KIF1A: variants seen among roughly 807,000 people sequenced by gnomAD.
KIF1A encodes kinesin-like protein KIF1A.
In KIF1A, 46 loss-of-function variants were observed where a neutral mutation model predicts 227.3. The ratio of observed to expected loss-of-function variants is 0.20; its 90% CI spans 0.16 to 0.26. The LOEUF (loss-of-function observed/expected upper bound fraction) is 0.26. Ranked by LOEUF, KIF1A falls within the 10% of genes least tolerant of loss-of-function variation. KIF1A has a pLI of 1.00. For missense variants in KIF1A, 1,683 were observed against 2,485.9 expected (o/e 0.68, Z 6.87); for synonymous variants, 1,022 against 1,012.8 (o/e 1.01, Z -0.17).
At chr2:240,769,484 C>G in intron 16 of KIF1A, 143 bp downstream of exon 16, 1 of 690,864 alleles carries the variant, frequency 1.4e-6, no homozygotes, top group South Asian at 1.9e-5. Flanking sequence ...GATGAGGGAA[C>G]AGGTTTGCCC....
chr2:240,797,085 C>T (rs1052686616), intron 2 of KIF1A, among the ~76,000 whole-genome samples: 1 of 152,202 alleles, frequency 6.6e-6, no homozygotes, highest in East Asian at 1.9e-4. Context: ...CACCAGAGGC[C>T]CCAGCACAAA....
In KIF1A at chr2:240,760,783, G is replaced by A; in HGVS notation, c.2326C>T (p.Leu776=). 6.2e-7 allele frequency: 1 copy of A among 1,604,852 alleles called. No individual in the cohort carries two copies. The highest frequency in any genetic ancestry group is 8.5e-7 in the Non-Finnish European group (1 of 1,176,308). ...TLYSPLPPDL[L]PPEAAKDRET... ...CGGTCTTTGGCGGCCTCTGGGGGCAGCAGGTCGGGTGGCAGAGGGGAGTAG... is the reference window on the plus strand; with the variant it reads ...CGGTCTTTGGCGGCCTCTGGGGGCAACAGGTCGGGTGGCAGAGGGGAGTAG... Residue 776 remains leucine (L), a synonymous_variant, in exon 25 of 49, where the codon CTG becomes TTG. Transcript: ENST00000498729.
chr2:240,773,093 C>T, intron 13 of KIF1A, 21 bp downstream of exon 13: 1 of 1,598,898 alleles, frequency 6.3e-7, no homozygotes, highest in East Asian at 2.3e-5. Flanking sequence ...CTGTCCAGGA[C>T]AGGCTGGAGC....
In KIF1A at chr2:240,793,465, C is replaced by T. The variant is rs962729296; in HGVS notation, c.107-4153G>A. 1.9e-4 allele frequency among the ~76,000 whole-genome samples: 29 copies of T among 152,192 alleles called. No individual in the cohort carries two copies. Among genetic ancestry groups the T allele is most frequent in the Admixed American group, 6.5e-4 (10 of 15,288 alleles). ...GGGGCCGCACATGGCTGAGGGTCCG[C>T]GTCCCCAGCCAGCCTCCAGCATCTG... is the stretch of plus-strand genomic sequence containing the variant. On this transcript the variant is annotated intron_variant, in intron 2 of 48. Coordinates refer to ENST00000498729, the MANE Select transcript of KIF1A (RefSeq NM_001244008.2). The surrounding 1 kb of genome is among the most constrained non-coding windows in gnomAD (Gnocchi z 4.8).
At chr2:240,809,577 T>G (rs1286644680) in intron 1 of KIF1A, among the ~76,000 whole-genome samples, 5 of 152,146 alleles carry the variant, frequency 3.3e-5, no homozygotes, top group East Asian at 1.9e-4. Flanking sequence ...TCAAATAAAT[T>G]CCATGTGGAT....
At chr2:240,733,714 G>A (rs1278380695) in intron 38 of KIF1A, among the ~76,000 whole-genome samples, 5 of 152,196 alleles carry the variant, frequency 3.3e-5, no homozygotes, top group Admixed American at 3.3e-4. Flanking sequence ...ACTGCCCTGG[G>A]GCTCTGTGCC....
chr2:240,738,174 G>A (rs564760572), intron 37 of KIF1A, among the ~76,000 whole-genome samples: 48 of 152,352 alleles, frequency 3.2e-4, no homozygotes, highest in African/African-American at 1.0e-3. Context: ...TCAGCCCTCG[G>A]GGCCTGCACT....
chr2:240,721,042 C>A lies in KIF1A; in HGVS notation c.4744-4G>T. Reference sequence around the variant, plus strand: ...GGGTGACAGACATCTCGGAGAGCTGCGGAGGAGAGGCCTTTTTCAGGGGAC... The same window carrying A: ...GGGTGACAGACATCTCGGAGAGCTGAGGAGGAGAGGCCTTTTTCAGGGGAC... On this transcript the variant is annotated splice_region_variant and splice_polypyrimidine_tract_variant and intron_variant, in intron 44 of 48. Transcript: ENST00000498729. 6.2e-7 allele frequency: 1 copy of A among 1,611,710 alleles called. No homozygotes were observed. The highest frequency in any genetic ancestry group is 8.5e-7 in the Non-Finnish European group (1 of 1,179,422).
intron 1 of KIF1A, among the ~76,000 whole-genome samples, chr2:240,812,943 C>CGCCTTCACCTCGGGGATCT (rs1559550003): frequency 1.4e-4 from 6 of 42,126 alleles, no homozygotes; most frequent in South Asian, 8.6e-4. Flanking sequence ...CTCGGGGATC[C>CGCCTTCACCTCGGGGATCT]GCCTTCACCT....
At position 240,778,643 on chromosome 2, in the gene KIF1A, C is replaced by T. The variant is rs1466268679; in HGVS notation, c.883-2717G>A. Among the ~76,000 whole-genome samples the T allele has an allele frequency of 6.6e-6, 1 of 151,616 alleles. No homozygotes were observed. The highest frequency in any genetic ancestry group is 1.5e-5 in the Non-Finnish European group (1 of 67,914). ...CCACACAGCTCCCCACCCCCTTCCACACACTTCCTCCCGGTTCCCACAGCT... is the reference window on the plus strand; with the variant it reads ...CCACACAGCTCCCCACCCCCTTCCATACACTTCCTCCCGGTTCCCACAGCT... On this transcript the variant is annotated intron_variant, in intron 10 of 48. Coordinates refer to ENST00000498729, the MANE Select transcript of KIF1A (RefSeq NM_001244008.2). This position sits in a 1 kb window ranked among gnomAD's most constrained non-coding sequence, Gnocchi z 7.2.
At chr2:240,717,516 G>A in intron 48 of KIF1A, 110 bp from the exon 49 acceptor site, 1 of 934,098 alleles carries the variant, frequency 1.1e-6, no homozygotes, top group Non-Finnish European at 1.7e-6. Context: ...CAGACCCCAT[G>A]TCCCCGCTGG....
chr2:240,736,394 G>T lies in KIF1A; in HGVS notation c.4007+669C>A, dbSNP rs1336019030. ...GTCTGGGACGCAGTGGAGCCCGCGG[G>T]ACGTCCCCACCCACCAGGGCTGCCC... On this transcript the variant is annotated intron_variant, in intron 38 of 48. Transcript: ENST00000498729. This position sits in a 1 kb window ranked among gnomAD's most constrained non-coding sequence, Gnocchi z 4.7. Among the ~76,000 whole-genome samples, 1 of 151,832 alleles carries T rather than the reference G, an allele frequency of 6.6e-6. No homozygotes were observed. Among genetic ancestry groups the T allele is most frequent in the East Asian group, 2.0e-4 (1 of 5,098 alleles).
chr2:240,763,457 T>TC, intron 20 of KIF1A, 111 bp from the exon 21 acceptor site: 11 of 999,092 alleles, frequency 1.1e-5, no homozygotes, highest in Non-Finnish European at 1.4e-5. Context: ...CACCCCACCA[T>TC]CCCCAGCTCC....
At position 240,745,868 on chromosome 2, in the gene KIF1A, C is replaced by T. The variant is rs1045260940; in HGVS notation, c.3244G>A (p.Ala1082Thr). 6.8e-6 allele frequency: 11 copies of T among 1,611,798 alleles called. No homozygotes were observed. The highest frequency in any genetic ancestry group is 9.3e-6 in the Non-Finnish European group (11 of 1,179,086). ...EGLLLDSSEKAALDGPLDAAL... is the reference protein window; with the variant it reads ...EGLLLDSSEKTALDGPLDAAL... Reference sequence around the variant, plus strand: ...GCATCCAGGGGCCCATCCAGGGCGGCTTTCTCAGAGCTGTCTAGGAGGAGG... The same window carrying T: ...GCATCCAGGGGCCCATCCAGGGCGGTTTTCTCAGAGCTGTCTAGGAGGAGG... Residue 1082 changes from alanine to threonine, a missense_variant, in exon 31 of 49, where the codon GCC (alanine) becomes ACC (threonine). Physicochemically the swap from Ala to Thr is moderately conservative, Grantham distance 58. This residue lies in a region of KIF1A where 759 missense variants were observed against 1,020.2 expected (regional missense o/e 0.74). Transcript: ENST00000498729.
At chr2:240,748,861 C>T (rs991377105) in intron 28 of KIF1A, 1 of 162,316 alleles carries the variant, frequency 6.2e-6, no homozygotes, top group African/African-American at 2.4e-5. Flanking sequence ...TGGCTCACGC[C>T]TGAAATTCCA....
intron 7 of KIF1A, 62 bp from the exon 8 acceptor site, chr2:240,783,878 C>T (rs2054384637): frequency 6.9e-6 from 9 of 1,311,988 alleles, no homozygotes; most frequent in Admixed American, 2.0e-5. Context: ...CATCCCAGGA[C>T]CCCTGGGCAA....
At position 240,740,195 on chromosome 2, in the gene KIF1A, G is replaced by A. The variant is rs577738872; in HGVS notation, c.3817-53C>T. The A allele has an allele frequency of 6.3e-7, 1 of 1,575,044 alleles. No homozygotes were observed. The highest frequency in any genetic ancestry group is 2.3e-5 in the East Asian group (1 of 43,836). On this transcript the variant is annotated intron_variant, in intron 36 of 48. Transcript: ENST00000498729. The surrounding 1 kb of genome is among the most constrained non-coding windows in gnomAD (Gnocchi z 6.1). ...TCAGACGGCTCAGGGGGCTACGTAG[G>A]GTGAGGGAGGGGGACACAGGCAGGG...
chr2:240,727,077 G>A (rs996204453), intron 38 of KIF1A, 137 bp from the exon 39 acceptor site: 22 of 565,612 alleles, frequency 3.9e-5, no homozygotes, highest in African/African-American at 1.9e-4. Context: ...CTGGAAGCCC[G>A]GGCGGCGGTG....
rs901955236 is a variant in KIF1A, at chr2:240,793,170, C to T, written c.107-3858G>A. On this transcript the variant is annotated intron_variant, in intron 2 of 48. Transcript: ENST00000498729. The surrounding 1 kb of genome is among the most constrained non-coding windows in gnomAD (Gnocchi z 4.8). ...TGCTCGGGATTGGGGGAGCCCACAG[C>T]GGAGGCTGGGGGCCTGGGTCGCACC... 6.6e-6 allele frequency among the ~76,000 whole-genome samples: 1 copy of T among 152,194 alleles called. No homozygotes were observed. The highest frequency in any genetic ancestry group is 6.5e-5 in the Admixed American group (1 of 15,284).
Sources: allele counts gnomAD v4.1 joint callset (sites outside exome capture counted in the v4.1 genomes callset), GRCh38; gene constraint gnomAD v4.1.1; regional missense constraint gnomAD v4.1.1; non-coding constraint Gnocchi (gnomAD v3.1); transcripts MANE v1.5; gene names NCBI Gene and HGNC (gene_info 2026-07-23, HGNC 2026-07-21).